The following VPS13C variants were observed in gnomAD, a reference collection of about 807,000 sequenced individuals.
The protein encoded by VPS13C is intermembrane lipid transfer protein VPS13C.
Under a neutral mutation model 456.8 loss-of-function variants are expected in VPS13C, and 358 were observed. The observed-to-expected ratio is 0.78, with a 90% CI of 0.72 to 0.86. VPS13C has a LOEUF of 0.86. Ranked by LOEUF, VPS13C falls within the 40% of genes least tolerant of loss-of-function variation. VPS13C has a pLI of 0.00. For missense variants in VPS13C, 4,818 were observed against 4,385.4 expected (o/e 1.10, Z -2.79); for synonymous variants, 1,578 against 1,486.7 (o/e 1.06, Z -1.41).
At position 62,008,727 on chromosome 15, in the gene VPS13C, T is replaced by G. The variant is rs370615393; in HGVS notation, c.1046A>C (p.Asp349Ala). 1 of 1,605,734 alleles carries G rather than the reference T, an allele frequency of 6.2e-7. No homozygotes were observed. Among genetic ancestry groups the G allele is most frequent in the Admixed American group, 1.7e-5 (1 of 59,548 alleles). ...ATAAGGCGCATTCCTAACCATATAATCCACTGACTCCAAAAGGTCAATCAT... is the reference window on the plus strand; with the variant it reads ...ATAAGGCGCATTCCTAACCATATAAGCCACTGACTCCAAAAGGTCAATCAT... The part of the protein sequence containing the change: ...LSMIDLLESV[D>A]YMVRNAPYRK... Residue 349 changes from aspartate to alanine, a missense_variant, in exon 14 of 85, where the codon GAT becomes GCT. Coordinates refer to ENST00000644861, the MANE Select transcript of VPS13C (RefSeq NM_020821.3).
chr15:62,013,179 TA>T, intron 10 of VPS13C, 60 bp from the exon 11 acceptor site: 1 of 1,284,150 alleles, frequency 7.8e-7, no homozygotes, highest in Non-Finnish European at 1.1e-6. Flanking sequence ...GAATCAATAT[TA>T]AAAGATTATT....
At chr15:61,900,769 C>A (rs1205349152) in intron 66 of VPS13C, among the ~76,000 whole-genome samples, 1 of 151,564 alleles carries the variant, frequency 6.6e-6, no homozygotes, top group Non-Finnish European at 1.5e-5. Flanking sequence ...CTTTAAAGTT[C>A]ATATGGAACC....
intron 63 of VPS13C, among the ~76,000 whole-genome samples, 161 bp downstream of exon 63, chr15:61,911,678 CT>C (rs2043306027): frequency 6.6e-6 from 1 of 152,040 alleles, no homozygotes; most frequent in Non-Finnish European, 1.5e-5. Context: ...AACTTTTCTC[CT>C]TTTTTTAAAA....
intron 60 of VPS13C, 50 bp from the exon 61 acceptor site, chr15:61,916,072 A>T: frequency 6.6e-7 from 1 of 1,505,890 alleles, no homozygotes; most frequent in Non-Finnish European, 8.8e-7. Flanking sequence ...ACTCTGAAAT[A>T]ACAAAATTCT....
intron 67 of VPS13C, among the ~76,000 whole-genome samples, chr15:61,888,358 CAGAGG>C (rs1364833876): frequency 6.6e-6 from 1 of 152,128 alleles, no homozygotes; most frequent in Non-Finnish European, 1.5e-5. Flanking sequence ...TACCCCAAAG[CAGAGG>C]AAACATATGT....
chr15:61,927,814 A>C (rs2043910165), intron 51 of VPS13C, among the ~76,000 whole-genome samples: 1 of 152,234 alleles, frequency 6.6e-6, no homozygotes, highest in African/African-American at 2.4e-5. Context: ...GCAATGATAG[A>C]CTGGATTAAG....
At chr15:61,982,607 C>A in intron 20 of VPS13C, 34 bp from the exon 21 acceptor site, 1 of 1,448,598 alleles carries the variant, frequency 6.9e-7, no homozygotes, top group Non-Finnish European at 9.5e-7. Context: ...AACCAAGTTA[C>A]ACATGGTTCT....
intron 8 of VPS13C, among the ~76,000 whole-genome samples, chr15:62,020,977 T>C (rs1373102935): frequency 2.0e-5 from 3 of 151,958 alleles, no homozygotes; most frequent in Non-Finnish European, 4.4e-5. Flanking sequence ...AACATGTTTG[T>C]TTGGGTTTTT....
intron 55 of VPS13C, among the ~76,000 whole-genome samples, 178 bp downstream of exon 55, chr15:61,921,769 T>C (rs1416067775): frequency 1.3e-5 from 2 of 152,082 alleles, no homozygotes; most frequent in African/African-American, 2.4e-5. Context: ...AACTCCACTA[T>C]ACACTCGTGA....
At chr15:62,054,923 A>G (rs2048738492) in intron 1 of VPS13C, among the ~76,000 whole-genome samples, 1 of 152,218 alleles carries the variant, frequency 6.6e-6, no homozygotes, top group Non-Finnish European at 1.5e-5. Context: ...TCTCAACAAT[A>G]CACTGAAAGT....
At chr15:61,944,067 T>G (rs773001259) in intron 45 of VPS13C, among the ~76,000 whole-genome samples, 2 of 151,942 alleles carry the variant, frequency 1.3e-5, no homozygotes, top group Non-Finnish European at 1.5e-5. Context: ...ATTAGAGAAA[T>G]GCAAATCAAA....
chr15:61,996,016 C>T (rs143009429), intron 16 of VPS13C, among the ~76,000 whole-genome samples: 65 of 152,292 alleles, frequency 4.3e-4, no homozygotes, highest in Non-Finnish European at 6.6e-4. Context: ...TCCGTATTTC[C>T]GGCCAAGGAA....
At chr15:61,900,078 A>G (rs1384677763) in intron 66 of VPS13C, among the ~76,000 whole-genome samples, 2 of 152,066 alleles carry the variant, frequency 1.3e-5, no homozygotes, top group South Asian at 2.1e-4. Context: ...CATGCTAAAA[A>G]CTCTCAATAA....
intron 81 of VPS13C, chr15:61,866,627 A>G (rs1312990592): frequency 2.0e-6 from 2 of 985,158 alleles, no homozygotes; most frequent in Admixed American, 1.2e-4. Context: ...CATTTTTGCC[A>G]ATGCTAAATT....
In VPS13C at chr15:61,878,591, C is replaced by G. The variant is rs369168127; in HGVS notation, c.10142+16G>C. 124 of 1,605,096 alleles carry G rather than the reference C, an allele frequency of 7.7e-5. No individual in the cohort carries two copies. Among genetic ancestry groups the G allele is most frequent in the Non-Finnish European group, 9.8e-5 (115 of 1,177,070 alleles). On this transcript the variant is annotated intron_variant, in intron 74 of 84. Transcript: ENST00000644861. The stretch of plus-strand genomic sequence containing the variant: ...TGGTACACCTGCTTCTCAATGTACT[C>G]TAACAGAAGTCTTACTTGAATATAA...
intron 16 of VPS13C, among the ~76,000 whole-genome samples, chr15:61,993,311 T>C (rs1189103800): frequency 6.6e-6 from 1 of 152,102 alleles, no homozygotes; most frequent in Non-Finnish European, 1.5e-5. Context: ...GTTACCATAT[T>C]CTTAGCTACC....
At chr15:61,998,317 A>G (rs952880188) in intron 16 of VPS13C, among the ~76,000 whole-genome samples, 36 of 152,130 alleles carry the variant, frequency 2.4e-4, no homozygotes, top group African/African-American at 7.7e-4. Flanking sequence ...TGCTCCTTAT[A>G]TTCTTTCCTA....
At chr15:61,901,705 G>A (rs1253407608) in intron 66 of VPS13C, among the ~76,000 whole-genome samples, 3 of 151,874 alleles carry the variant, frequency 2.0e-5, no homozygotes, top group East Asian at 3.9e-4. Context: ...TCAGTGTGGC[G>A]ATTCCTCAGG....
chr15:62,044,400 C>A, intron 1 of VPS13C, 145 bp from the exon 2 acceptor site: 2 of 493,174 alleles, frequency 4.1e-6, no homozygotes, highest in Non-Finnish European at 7.2e-6. Flanking sequence ...CTACCCGGCA[C>A]AAAATAGTTG....
Sources: allele counts gnomAD v4.1 joint callset (sites outside exome capture counted in the v4.1 genomes callset), GRCh38; gene constraint gnomAD v4.1.1; transcripts MANE v1.5; gene names NCBI Gene and HGNC (gene_info 2026-07-23, HGNC 2026-07-21).